HCRTR2: variants seen among roughly 807,000 people sequenced by gnomAD.
HCRTR2 encodes the protein orexin receptor type 2.
HCRTR2 carries 22 observed loss-of-function variants against 49.0 expected under a neutral mutation model. That is an observed-to-expected ratio of 0.45 (90% CI 0.32 to 0.64). The LOEUF (loss-of-function observed/expected upper bound fraction) is 0.64, where lower values mean the gene tolerates loss of function less well. Ranked by LOEUF, HCRTR2 falls within the 30% of genes least tolerant of loss-of-function variation. The probability of loss-of-function intolerance (pLI) is 0.04; values close to 1 mark genes in which losing one functional copy is unlikely to be tolerated. For synonymous variants in HCRTR2, 236 were observed against 205.3 expected, an observed-to-expected ratio of 1.15 and a Z score of -1.28; for missense variants, 491 against 559.4, an observed-to-expected ratio of 0.88 and a Z score of 1.23.
At chr6:55,189,741 G>A (rs1478018534) in intron 1 of HCRTR2, among the ~76,000 whole-genome samples, 2 of 151,984 alleles carry the variant, frequency 1.3e-5, no homozygotes, top group Non-Finnish European at 2.9e-5. Context: ...GATGACACAC[G>A]TTTACCTATG....
intron 1 of HCRTR2, among the ~76,000 whole-genome samples, chr6:55,194,895 T>C (rs1765383358): frequency 6.6e-6 from 1 of 152,036 alleles, no homozygotes; most frequent in South Asian, 2.1e-4. Flanking sequence ...AACACAATTT[T>C]ATGGCTTTAA....
chr6:55,122,762 G>A (rs1452889826), intron 1 of HCRTR2, among the ~76,000 whole-genome samples: 1 of 151,896 alleles, frequency 6.6e-6, no homozygotes, highest in African/African-American at 2.4e-5. Context: ...TGTGACACAT[G>A]TACACCATGG....
At chr6:55,278,781 A>G (rs1465125069) in intron 5 of HCRTR2, among the ~76,000 whole-genome samples, 1 of 150,686 alleles carries the variant, frequency 6.6e-6, no homozygotes, top group East Asian at 1.9e-4. Flanking sequence ...ATTTAATACA[A>G]ATTTATTATG....
At chr6:55,115,478 G>A (rs557268575) in intron 1 of HCRTR2, among the ~76,000 whole-genome samples, 1 of 26,662 alleles carries the variant, frequency 3.8e-5, no homozygotes, top group Non-Finnish European at 7.7e-5. Context: ...TGTTGCTAAA[G>A]AGTGTGTGTG....
At position 55,277,487 on chromosome 6, in the gene HCRTR2, G is replaced by T. The variant is rs200037786; in HGVS notation, c.870G>T (p.Ala290=). Residue 290 remains alanine, a synonymous_variant, in exon 5 of 7, where the codon GCG becomes GCT. Coordinates refer to ENST00000370862, the MANE Select transcript of HCRTR2 (RefSeq NM_001384272.1). ...CGAAGTCCCGGATGAGCGCTGTGGC[G>T]GCTGAAATAAAGCAGATCCGAGCCA... ...QPTKSRMSAV[A]AEIKQIRARR... 48 of 1,613,946 alleles carry T rather than the reference G, an allele frequency of 3.0e-5. No individual in the cohort carries two copies. The highest frequency in any genetic ancestry group is 3.9e-5 in the Non-Finnish European group (46 of 1,179,996).
intron 1 of HCRTR2, among the ~76,000 whole-genome samples, chr6:55,117,864 CTGTT>C (rs942482419): frequency 7.6e-5 from 10 of 131,672 alleles, no homozygotes; most frequent in South Asian, 2.5e-4. Context: ...CCTCCACAGA[CTGTT>C]TGTTTTTTTT....
intron 4 of HCRTR2, among the ~76,000 whole-genome samples, chr6:55,268,999 A>T (rs1766916725): frequency 6.7e-6 from 1 of 149,896 alleles, no homozygotes; most frequent in Admixed American, 6.7e-5. Flanking sequence ...CTGAGGCAGG[A>T]GAATGGCGTG....
chr6:55,108,165 T>A (rs1044785375), intron 1 of HCRTR2, among the ~76,000 whole-genome samples: 1 of 152,142 alleles, frequency 6.6e-6, no homozygotes, highest in Non-Finnish European at 1.5e-5. Context: ...AATCAGTGGT[T>A]TTATTCTGAA....
chr6:55,179,523 T>A (rs1249818214), intron 1 of HCRTR2, among the ~76,000 whole-genome samples: 1 of 152,182 alleles, frequency 6.6e-6, no homozygotes, highest in African/African-American at 2.4e-5. Flanking sequence ...AATGATAACT[T>A]TTAAGATGGC....
At chr6:55,160,618 C>T (rs182399628) in intron 1 of HCRTR2, among the ~76,000 whole-genome samples, 3 of 151,704 alleles carry the variant, frequency 2.0e-5, no homozygotes, top group Admixed American at 6.6e-5. Flanking sequence ...CATATAGGCT[C>T]GAAATAAAGG....
At chr6:55,258,061 G>A (rs928394336) in intron 3 of HCRTR2, among the ~76,000 whole-genome samples, 1 of 151,740 alleles carries the variant, frequency 6.6e-6, no homozygotes, top group East Asian at 1.9e-4. Context: ...GTCCATGTTC[G>A]ACTTATAATG....
At chr6:55,246,897 T>C (rs1271838052) in intron 1 of HCRTR2, among the ~76,000 whole-genome samples, 1 of 152,070 alleles carries the variant, frequency 6.6e-6, no homozygotes, top group African/African-American at 2.4e-5. Context: ...TCTACTATTG[T>C]CTAGATTGTC....
At chr6:55,162,938 G>A (rs1047806022) in intron 1 of HCRTR2, among the ~76,000 whole-genome samples, 3 of 152,046 alleles carry the variant, frequency 2.0e-5, no homozygotes, top group African/African-American at 4.8e-5. Flanking sequence ...AGCTACCACC[G>A]AATTTCTTCA....
At chr6:55,132,745 C>T (rs1170647911) in intron 1 of HCRTR2, among the ~76,000 whole-genome samples, 3 of 89,520 alleles carry the variant, frequency 3.4e-5, no homozygotes, top group Non-Finnish European at 7.1e-5. Context: ...CTCCCTCTCT[C>T]TCTCTCTTTT....
chr6:55,128,383 T>G (rs537975532), intron 1 of HCRTR2, among the ~76,000 whole-genome samples: 94 of 152,314 alleles, frequency 6.2e-4, no homozygotes, highest in African/African-American at 2.2e-3. Context: ...TCTTTTTGCT[T>G]AGGATTGCCT....
At chr6:55,138,324 A>T (rs1764459283) in intron 1 of HCRTR2, among the ~76,000 whole-genome samples, 1 of 152,184 alleles carries the variant, frequency 6.6e-6, no homozygotes, top group Non-Finnish European at 1.5e-5. Context: ...TCTAGCAAGT[A>T]AGATAAACTT....
intron 1 of HCRTR2, among the ~76,000 whole-genome samples, chr6:55,165,440 G>A (rs1424347244): frequency 6.6e-6 from 1 of 151,914 alleles, no homozygotes; most frequent in Non-Finnish European, 1.5e-5. Context: ...AATGAATTTG[G>A]ATACCTTTCT....
intron 1 of HCRTR2, among the ~76,000 whole-genome samples, chr6:55,177,339 A>T (rs1375784078): frequency 6.6e-6 from 1 of 152,212 alleles, no homozygotes; most frequent in Non-Finnish European, 1.5e-5. Context: ...GATGAGGTTT[A>T]GGTTTGACAT....
intron 1 of HCRTR2, among the ~76,000 whole-genome samples, chr6:55,226,719 T>G (rs1159397461): frequency 2.2e-5 from 3 of 133,894 alleles, no homozygotes; most frequent in Admixed American, 7.4e-5. Flanking sequence ...GTGTTTTTTT[T>G]TTTTTTTTTT....
Sources: allele counts gnomAD v4.1 joint callset (sites outside exome capture counted in the v4.1 genomes callset), GRCh38; gene constraint gnomAD v4.1.1; transcripts MANE v1.5; gene names NCBI Gene and HGNC (gene_info 2026-07-23, HGNC 2026-07-21).